MAP7D2: variants seen among roughly 807,000 people sequenced by gnomAD.
The protein encoded by MAP7D2 is MAP7 domain containing 2.
MAP7D2 carries 33 observed loss-of-function variants against 63.5 expected under a neutral mutation model. That is an observed-to-expected ratio of 0.52 (90% CI 0.39 to 0.70). The LOEUF is 0.70. Ranked by LOEUF, MAP7D2 falls within the 30% of genes least tolerant of loss-of-function variation. The probability of loss-of-function intolerance (pLI) is 0.00; values close to 1 mark genes in which losing one functional copy is unlikely to be tolerated. For missense variants in MAP7D2, 626 were observed against 604.0 expected, an observed-to-expected ratio of 1.04 and a Z score of -0.38; for synonymous variants, 224 against 223.7, an observed-to-expected ratio of 1.00 and a Z score of -0.01.
chrX:20,013,797 C>T (rs144887062), intron 12 of MAP7D2, among the ~76,000 whole-genome samples, 172 bp from the exon 13 acceptor site: 94 of 112,796 alleles, frequency 8.3e-4, no homozygotes, highest in African/African-American at 2.9e-3. Flanking sequence ...GAGATGTACA[C>T]CTCCGGCCCC....
intron 1 of MAP7D2, among the ~76,000 whole-genome samples, chrX:20,093,963 C>G (rs2066139858): frequency 9.0e-6 from 1 of 110,930 alleles, no homozygotes; most frequent in South Asian, 3.8e-4. Flanking sequence ...AAACCATGTC[C>G]AAAGCACAAA....
chrX:20,091,982 C>T (rs1199812010), intron 1 of MAP7D2, among the ~76,000 whole-genome samples: 1 of 111,888 alleles, frequency 8.9e-6, no homozygotes, highest in African/African-American at 3.2e-5. Context: ...CAGCAAGAAT[C>T]TAAGCTTAAC....
At chrX:20,010,640 GT>G in intron 16 of MAP7D2, 136 bp downstream of exon 16, 1 of 489,371 alleles carries the variant, frequency 2.0e-6, no homozygotes, top group Non-Finnish European at 3.3e-6. Context: ...TGTGTGTGTT[GT>G]AGTATACCAT....
intron 1 of MAP7D2, among the ~76,000 whole-genome samples, chrX:20,112,143 C>CA (rs2066762468): frequency 1.8e-5 from 2 of 111,877 alleles, no homozygotes; most frequent in Non-Finnish European, 1.9e-5. Flanking sequence ...GAGCAAGGAA[C>CA]ATTCCAAAGG....
Position 20,082,629 on chromosome X carries a change from T to C in MAP7D2, c.131-17824A>G, listed in dbSNP as rs148613578. Among the ~76,000 whole-genome samples the C allele has an allele frequency of 6.6e-3, 739 of 111,631 alleles. 7 individuals carry two copies. The highest frequency in any genetic ancestry group is 0.023 in the African/African-American group (711 of 30,757). On this transcript the variant is annotated intron_variant, in intron 1 of 16. Coordinates refer to ENST00000379643, the MANE Select transcript of MAP7D2 (RefSeq NM_001168465.2). ...CAGCTTCATGGCACAAATAGATTAT[T>C]ATTTTTGTATTTTTTTTGAGACGGA...
chrX:20,040,789 G>T (rs2064633984), intron 8 of MAP7D2, among the ~76,000 whole-genome samples: 1 of 110,968 alleles, frequency 9.0e-6, no homozygotes. Flanking sequence ...CACCATAATG[G>T]ATATAATAAT....
intron 1 of MAP7D2, among the ~76,000 whole-genome samples, chrX:20,084,938 C>T (rs1451139264): frequency 9.0e-6 from 1 of 111,430 alleles, no homozygotes; most frequent in Non-Finnish European, 1.9e-5. Context: ...GAATAAACTG[C>T]ACCAACCTTC....
At chrX:20,077,772 C>G (rs2065684013) in intron 1 of MAP7D2, among the ~76,000 whole-genome samples, 1 of 112,214 alleles carries the variant, frequency 8.9e-6, no homozygotes, top group East Asian at 2.8e-4. Context: ...CATTACAACA[C>G]TGCCAGTGTA....
rs1248313898 is a variant in MAP7D2 at position 20,094,566 on chromosome X, A to G, written c.130+22184T>C. ...TGTATATATATATATATATATATAT[A>G]TACATATATATGTATATATATATAT... On this transcript the variant is annotated intron_variant, in intron 1 of 16. Transcript: ENST00000379643. Among the ~76,000 whole-genome samples, 51 of 8,482 alleles carry G rather than the reference A, an allele frequency of 6.0e-3. 9 individuals are homozygous for G. The highest frequency in any genetic ancestry group is 9.6e-3 in the South Asian group (1 of 104). The allele number at this position is 8,482 out of a possible 115,157, so 7.4% of individuals were successfully genotyped here.
intron 1 of MAP7D2, among the ~76,000 whole-genome samples, chrX:20,099,659 G>A (rs1276529739): frequency 8.9e-6 from 1 of 111,964 alleles, no homozygotes; most frequent in African/African-American, 3.2e-5. Context: ...CTGAGATCAA[G>A]AAAGCATTAC....
At chrX:20,062,399 G>A (rs1206478830) in intron 3 of MAP7D2, among the ~76,000 whole-genome samples, 1 of 111,026 alleles carries the variant, frequency 9.0e-6, no homozygotes, top group Admixed American at 9.6e-5. Flanking sequence ...CATTTTCTAA[G>A]AGGAGGAAAG....
chrX:20,072,688 A>G (rs1033040200), intron 1 of MAP7D2, among the ~76,000 whole-genome samples: 1 of 111,422 alleles, frequency 9.0e-6, no homozygotes, highest in African/African-American at 3.3e-5. Flanking sequence ...CTCTGAAAAC[A>G]CTCTCACAGA....
chrX:20,024,997 T>C lies in MAP7D2; in HGVS notation c.1366A>G (p.Lys456Glu). ...AGTCGTTCTTGCTCCTCCTGTTCCTTCTGCAGCCGGGCCTGTCTTCTCTTT... is the reference window on the plus strand; with the variant it reads ...AGTCGTTCTTGCTCCTCCTGTTCCTCCTGCAGCCGGGCCTGTCTTCTCTTT... ...AEKRRQARLQ[K>E]EQEEQERLEK... is the part of the protein sequence containing the mutation. The change falls in exon 10 of 17, where the codon AAG (lysine) becomes GAG (glutamate). Residue 456 changes from lysine to glutamate, a missense_variant. By Grantham distance (56) the Lys-to-Glu change is moderately conservative. Coordinates refer to ENST00000379643, the MANE Select transcript of MAP7D2 (RefSeq NM_001168465.2). The C allele has an allele frequency of 1.7e-6, 2 of 1,211,778 alleles. No individual in the cohort carries two copies. Among genetic ancestry groups the C allele is most frequent in the Non-Finnish European group, 2.2e-6 (2 of 895,437 alleles).
intron 1 of MAP7D2, among the ~76,000 whole-genome samples, chrX:20,101,134 G>A (rs747336569): frequency 9.0e-6 from 1 of 111,680 alleles, no homozygotes; most frequent in African/African-American, 3.3e-5. Flanking sequence ...TAAGACTTCT[G>A]ACGTCTGGAA....
chrX:20,095,399 T>TA (rs1388430309), intron 1 of MAP7D2, among the ~76,000 whole-genome samples: 1 of 110,350 alleles, frequency 9.1e-6, no homozygotes, highest in Non-Finnish European at 1.9e-5. Flanking sequence ...ATTAGCTGAG[T>TA]ATGGTGACAA....
chrX:20,010,774 T>C lies in MAP7D2; in HGVS notation c.*26+3A>G. ...AAGTTAGAATATAATCAAAAGACTG[T>C]ACCTTTTATTAAAGGGATGCTGTAT... On this transcript the variant is annotated splice_donor_region_variant and intron_variant, in intron 16 of 16. Coordinates refer to ENST00000379643, the MANE Select transcript of MAP7D2 (RefSeq NM_001168465.2). The C allele has an allele frequency of 1.7e-6, 2 of 1,189,316 alleles. No homozygotes were observed. The highest frequency in any genetic ancestry group is 2.3e-6 in the Non-Finnish European group (2 of 882,078).
In MAP7D2 at chrX:20,063,564, T is replaced by C. The variant is rs770246279; in HGVS notation, c.222A>G (p.Gln74=). 30 of 1,209,928 alleles carry C rather than the reference T, an allele frequency of 2.5e-5. No individual in the cohort carries two copies. Among genetic ancestry groups the C allele is most frequent in the Non-Finnish European group, 3.2e-5 (29 of 895,020 alleles). Residue 74 remains glutamine, a synonymous_variant, in exon 3 of 17, where the codon CAA becomes CAG. Transcript: ENST00000379643. ...EREKCLAARE[Q]QILEKQKRAR... ...CTCTTTTCTGTTTCTCCAGGATCTG[T>C]TGCTCCCGAGCAGCTGGGGAAGGAA... is the stretch of plus-strand genomic sequence containing the variant.
intron 1 of MAP7D2, among the ~76,000 whole-genome samples, chrX:20,068,750 T>G (rs892422178): frequency 1.8e-5 from 2 of 112,122 alleles, no homozygotes; most frequent in East Asian, 5.6e-4. Context: ...TTGATATGGT[T>G]TGGCTCTGTG....
intron 1 of MAP7D2, among the ~76,000 whole-genome samples, chrX:20,101,204 A>G (rs2066427658): frequency 8.9e-6 from 1 of 112,000 alleles, no homozygotes; most frequent in Non-Finnish European, 1.9e-5. Flanking sequence ...CTGTTATAGC[A>G]GCAATAAGAA....
Sources: gnomAD v4.1 joint callset for allele counts (sites outside exome capture counted in the v4.1 genomes callset) on GRCh38, gnomAD v4.1.1 for gene constraint, MANE v1.5 for transcripts, NCBI Gene and HGNC (gene_info 2026-07-23, HGNC 2026-07-21) for gene names.